Variants in NINL observed in about 807,000 individuals in gnomAD.
NINL encodes the protein ninein like, also known as ninein-like protein.
A neutral mutation model predicts 160.3 loss-of-function variants in NINL; 153 were observed. The ratio of observed to expected loss-of-function variants is 0.95; its 90% CI spans 0.84 to 1.09. The LOEUF (loss-of-function observed/expected upper bound fraction) is 1.09, where lower values mean the gene tolerates loss of function less well. NINL is among the 50% of genes least tolerant of loss of function. NINL has a pLI of 0.00. For missense variants in NINL, 1,829 were observed against 1,764.0 expected (o/e 1.04, Z -0.66); for synonymous variants, 800 against 734.8 (o/e 1.09, Z -1.43).
intron 1 of NINL, among the ~76,000 whole-genome samples, chr20:25,564,377 G>T (rs976216585): frequency 2.0e-5 from 3 of 152,076 alleles, no homozygotes; most frequent in Non-Finnish European, 4.4e-5. Context: ...GAATGCAATG[G>T]CACAATCTCA....
chr20:25,547,327 G>A (rs2147079800), intron 1 of NINL, among the ~76,000 whole-genome samples: 1 of 152,160 alleles, frequency 6.6e-6, no homozygotes, highest in South Asian at 2.1e-4. Context: ...CACATTCTTG[G>A]TCACAGCTTC....
intron 1 of NINL, among the ~76,000 whole-genome samples, chr20:25,553,307 A>G (rs1195848470): frequency 2.0e-5 from 3 of 152,006 alleles, no homozygotes; most frequent in African/African-American, 7.2e-5. Flanking sequence ...CTGTTACAAA[A>G]AAAACCGAAA....
At chr20:25,564,272 C>A (rs1404349571) in intron 1 of NINL, among the ~76,000 whole-genome samples, 1 of 151,932 alleles carries the variant, frequency 6.6e-6, no homozygotes, top group African/African-American at 2.4e-5. Context: ...GCCTCGGCCT[C>A]CCAAGTAGCT....
intron 3 of NINL, among the ~76,000 whole-genome samples, 172 bp from the exon 4 acceptor site, chr20:25,513,178 G>A (rs1016250851): frequency 6.6e-6 from 1 of 152,220 alleles, no homozygotes; most frequent in Non-Finnish European, 1.5e-5. Context: ...GTGAACAATG[G>A]CAATTCTATG....
In NINL at chr20:25,512,950, G is replaced by A. The variant is rs199930129; in HGVS notation, c.334C>T (p.Arg112Trp). 1.9e-5 allele frequency: 30 copies of A among 1,614,020 alleles called. No individual in the cohort carries two copies. Among genetic ancestry groups the A allele is most frequent in the East Asian group, 6.7e-5 (3 of 44,880 alleles). The change falls in exon 4 of 24, where the codon CGG (arginine) becomes TGG (tryptophan). Residue 112 changes from arginine (R) to tryptophan (W), a missense_variant. Coordinates refer to ENST00000278886, the MANE Select transcript of NINL (RefSeq NM_025176.6). ...GCGTCACATAGCTCAGGCCGGCTCC[G>A]ACGGCCATACCACTTAGAACCATTC... ...YVNGSKWYGRRSRPELCDAAT... is the reference protein window; with the variant it reads ...YVNGSKWYGRWSRPELCDAAT...
intron 1 of NINL, among the ~76,000 whole-genome samples, chr20:25,542,789 G>A (rs1181895777): frequency 6.8e-6 from 1 of 147,962 alleles, no homozygotes; most frequent in Non-Finnish European, 1.5e-5. Flanking sequence ...CCAGCACTTT[G>A]GGAGGCTGAG....
At chr20:25,576,194 C>G (rs1463198404) in intron 1 of NINL, among the ~76,000 whole-genome samples, 2 of 152,198 alleles carry the variant, frequency 1.3e-5, no homozygotes, top group African/African-American at 4.8e-5. Flanking sequence ...ACCATTTTCT[C>G]AGTCTCTGTT....
chr20:25,486,972 T>C (rs1038275262), intron 13 of NINL, among the ~76,000 whole-genome samples: 11 of 152,248 alleles, frequency 7.2e-5, no homozygotes, highest in Non-Finnish European at 1.5e-4. Flanking sequence ...TCACATCGAT[T>C]GCTCACTTAA....
chr20:25,579,812 G>C (rs985893697), intron 1 of NINL, among the ~76,000 whole-genome samples: 1 of 152,152 alleles, frequency 6.6e-6, no homozygotes, highest in African/African-American at 2.4e-5. Context: ...TGAGGTCTTC[G>C]GTGAACTCCC....
At chr20:25,573,792 C>A (rs2147181244) in intron 1 of NINL, among the ~76,000 whole-genome samples, 1 of 152,324 alleles carries the variant, frequency 6.6e-6, no homozygotes, top group African/African-American at 2.4e-5. Flanking sequence ...TTGCATGGAA[C>A]CATTTCTAAG....
In NINL at chr20:25,501,158, G is replaced by A. The variant is rs150083084; in HGVS notation, c.862-148C>T. The A allele has an allele frequency of 4.9e-5, 52 of 1,056,066 alleles. No homozygotes were observed. The African/African-American group carries it at 7.8e-4, about 16-fold the overall frequency. The allele number at this position is 1,056,066 out of a possible 1,614,324, so 65.4% of individuals were successfully genotyped here. ...CCATCCTCAGCTCTCAGAGGGGTCA[G>A]AGGTGCAGCCCCATCACATGACCTC... On this transcript the variant is annotated intron_variant, in intron 7 of 23. Coordinates refer to ENST00000278886, the MANE Select transcript of NINL (RefSeq NM_025176.6).
At chr20:25,462,710 G>T (rs888093851) in intron 19 of NINL, 169 bp from the exon 20 acceptor site, 8 of 591,132 alleles carry the variant, frequency 1.4e-5, no homozygotes, top group Non-Finnish European at 2.3e-5. Flanking sequence ...GCTGGAGTGC[G>T]GTGGCACATT....
In NINL at chr20:25,483,281, C is replaced by A. The variant is rs1182437688; in HGVS notation, c.1678-1181G>T. ...CCCAGGAGGCAGAGGTTGCAGTGAG[C>A]CGAGATTGTGCCACTCCACTCCAGC... On this transcript the variant is annotated intron_variant, in intron 13 of 23. Coordinates refer to ENST00000278886, the MANE Select transcript of NINL (RefSeq NM_025176.6). Among the ~76,000 whole-genome samples the A allele has an allele frequency of 7.2e-5, 11 of 152,090 alleles. No individual in the cohort carries two copies. The East Asian group carries it at 2.1e-3, about 29-fold the overall frequency.
intron 13 of NINL, among the ~76,000 whole-genome samples, chr20:25,487,741 CCAACT>C (rs1248659275): frequency 6.6e-6 from 1 of 152,200 alleles, no homozygotes; most frequent in Non-Finnish European, 1.5e-5. Flanking sequence ...AATAATCGAC[CCAACT>C]CAACTCTAGT....
chr20:25,559,186 G>C (rs891265210), intron 1 of NINL, among the ~76,000 whole-genome samples: 2 of 152,210 alleles, frequency 1.3e-5, no homozygotes, highest in African/African-American at 2.4e-5. Context: ...TGTAAATGAA[G>C]CCAAGTCATT....
At chr20:25,535,481 T>C (rs901601019) in intron 1 of NINL, among the ~76,000 whole-genome samples, 1 of 152,192 alleles carries the variant, frequency 6.6e-6, no homozygotes. Flanking sequence ...TTTTATAATG[T>C]ATACATGAAT....
intron 3 of NINL, among the ~76,000 whole-genome samples, chr20:25,515,089 G>A (rs2064137971): frequency 6.6e-6 from 1 of 152,192 alleles, no homozygotes; most frequent in Non-Finnish European, 1.5e-5. Flanking sequence ...ACCCTAGAAT[G>A]GTAGATCCAC....
At chr20:25,551,985 C>T (rs1053854903) in intron 1 of NINL, among the ~76,000 whole-genome samples, 10 of 152,156 alleles carry the variant, frequency 6.6e-5, no homozygotes, top group Non-Finnish European at 2.9e-5. Flanking sequence ...GGGAGGCCAT[C>T]GGGAGGTATA....
chr20:25,571,867 G>T (rs1312764524), intron 1 of NINL, among the ~76,000 whole-genome samples: 1 of 41,564 alleles, frequency 2.4e-5, no homozygotes, highest in African/African-American at 7.9e-5. Context: ...GACTCTGTCT[G>T]AAAAAAAAAA....
Sources: gnomAD v4.1 joint callset for allele counts (sites outside exome capture counted in the v4.1 genomes callset) on GRCh38, gnomAD v4.1.1 for gene constraint, MANE v1.5 for transcripts, NCBI Gene and HGNC (gene_info 2026-07-23, HGNC 2026-07-21) for gene names.